Variants in KCTD16 observed in about 807,000 individuals in gnomAD.
KCTD16 encodes potassium channel tetramerization domain containing 16.
A neutral mutation model predicts 33.2 loss-of-function variants in KCTD16; 13 were observed. The observed-to-expected ratio is 0.39, with a 90% CI of 0.25 to 0.62. The LOEUF (loss-of-function observed/expected upper bound fraction) is 0.62. KCTD16 is among the 20% of genes least tolerant of loss of function. KCTD16 has a pLI of 0.50. For missense variants in KCTD16, 441 were observed against 525.1 expected (o/e 0.84, Z 1.57); for synonymous variants, 197 against 195.3 (o/e 1.01, Z -0.07).
chr5:144,279,233 T>C (rs1193480037), intron 3 of KCTD16, among the ~76,000 whole-genome samples: 1 of 152,232 alleles, frequency 6.6e-6, no homozygotes, highest in Non-Finnish European at 1.5e-5. Context: ...TAGACAAATA[T>C]GTTGCCTATG....
At chr5:144,308,041 G>C (rs1051029796) in intron 3 of KCTD16, among the ~76,000 whole-genome samples, 2 of 152,174 alleles carry the variant, frequency 1.3e-5, no homozygotes, top group South Asian at 2.1e-4. Flanking sequence ...TCTTAAACAG[G>C]CTCTTTCTAT....
intron 3 of KCTD16, among the ~76,000 whole-genome samples, chr5:144,284,724 G>A (rs527521786): frequency 4.5e-4 from 69 of 152,258 alleles, no homozygotes; most frequent in African/African-American, 1.6e-3. Context: ...AAGTATATCA[G>A]ATCCACTTTT....
At chr5:144,387,280 A>G (rs1371223945) in intron 3 of KCTD16, among the ~76,000 whole-genome samples, 1 of 151,904 alleles carries the variant, frequency 6.6e-6, no homozygotes, top group Non-Finnish European at 1.5e-5. Flanking sequence ...CCCGACCCAA[A>G]GCACTTTCAT....
At chr5:144,282,329 A>G (rs1441093297) in intron 3 of KCTD16, among the ~76,000 whole-genome samples, 1 of 151,720 alleles carries the variant, frequency 6.6e-6, no homozygotes, top group Non-Finnish European at 1.5e-5. Context: ...AGGGCATAAA[A>G]CTTCATGCCC....
chr5:144,193,773 C>A (rs1408872762), intron 2 of KCTD16, among the ~76,000 whole-genome samples: 2 of 151,890 alleles, frequency 1.3e-5, no homozygotes, highest in South Asian at 4.2e-4. Context: ...AGGCAAAGAA[C>A]AAAGGTACGA....
rs73310706 is a variant in KCTD16 at position 144,182,545 on chromosome 5, A to C, written c.-327+8073A>C. On this transcript the variant is annotated intron_variant, in intron 2 of 3. Transcript: ENST00000512467. The stretch of plus-strand genomic sequence containing the variant: ...AGTTATGAGGATTAGCACATCTTGA[A>C]ATCCAAAATACAGCAGGAGGGCTAT... Among the ~76,000 whole-genome samples, 1,490 of 152,322 alleles carry C rather than the reference A, an allele frequency of 9.8e-3. 19 individuals carry two copies. Among genetic ancestry groups the C allele is most frequent in the African/African-American group, 0.033 (1,385 of 41,570 alleles).
intron 3 of KCTD16, among the ~76,000 whole-genome samples, chr5:144,317,723 C>G (rs1025190098): frequency 2.0e-5 from 3 of 152,184 alleles, no homozygotes; most frequent in Non-Finnish European, 4.4e-5. Context: ...TTCTGATTCC[C>G]TCCTGGATGG....
chr5:144,262,114 C>T (rs1480621201), intron 3 of KCTD16, among the ~76,000 whole-genome samples: 1 of 152,124 alleles, frequency 6.6e-6, no homozygotes, highest in East Asian at 1.9e-4. Context: ...GCAAATGTGG[C>T]AGGCTGGATG....
chr5:144,329,328 A>T (rs181445738), intron 3 of KCTD16, among the ~76,000 whole-genome samples: 1 of 152,270 alleles, frequency 6.6e-6, no homozygotes, highest in Admixed American at 6.5e-5. Context: ...CTGCAGGCTG[A>T]TAGGATTTAT....
intron 3 of KCTD16, among the ~76,000 whole-genome samples, chr5:144,271,144 G>C (rs1242748668): frequency 6.6e-6 from 1 of 151,932 alleles, no homozygotes; most frequent in African/African-American, 2.4e-5. Context: ...CTGAAGAGGA[G>C]GGAAAAATTC....
intron 3 of KCTD16, among the ~76,000 whole-genome samples, chr5:144,455,955 T>C (rs1304269640): frequency 6.6e-6 from 1 of 152,180 alleles, no homozygotes; most frequent in Non-Finnish European, 1.5e-5. Flanking sequence ...AGATAGACAG[T>C]GAGCCATTAC....
chr5:144,430,585 T>C (rs1474245280), intron 3 of KCTD16, among the ~76,000 whole-genome samples: 1 of 152,166 alleles, frequency 6.6e-6, no homozygotes, highest in Non-Finnish European at 1.5e-5. Flanking sequence ...TTTTGCCACA[T>C]GTGCCAATTC....
At chr5:144,269,062 A>G (rs1319419658) in intron 3 of KCTD16, among the ~76,000 whole-genome samples, 1 of 152,084 alleles carries the variant, frequency 6.6e-6, no homozygotes, top group Non-Finnish European at 1.5e-5. Context: ...GTAAGAAAAG[A>G]TTACAGAAAA....
chr5:144,234,939 C>A (rs1452710132), intron 3 of KCTD16, among the ~76,000 whole-genome samples: 1 of 152,068 alleles, frequency 6.6e-6, no homozygotes, highest in Non-Finnish European at 1.5e-5. Context: ...GCCTTTCCCA[C>A]GATTTCCTGA....
In KCTD16 at chr5:144,202,678, A is replaced by T. The variant is rs953667700; in HGVS notation, c.-326-3711A>T. ...TTAGCAAAGCAAGTGTTTATTTTTA[A>T]CTGCTTACTATAATAAACAAACTGT... On this transcript the variant is annotated intron_variant, in intron 2 of 3. Transcript: ENST00000512467. Among the ~76,000 whole-genome samples, 3 of 151,960 alleles carry T rather than the reference A, an allele frequency of 2.0e-5. No homozygotes were observed. The East Asian group carries it at 5.8e-4, about 29-fold the overall frequency.
Position 144,258,737 on chromosome 5 carries a change from C to T in KCTD16, c.832+51191C>T, listed in dbSNP as rs75052968. ...TGAAAACAGTATTTTTTCAGGCTAT[C>T]TGCTAGTATGTTATTTTTATAGTTG... is the stretch of plus-strand genomic sequence containing the variant. On this transcript the variant is annotated intron_variant, in intron 3 of 3. Transcript: ENST00000512467. Among the ~76,000 whole-genome samples, 1,003 of 152,274 alleles carry T rather than the reference C, an allele frequency of 6.6e-3. 9 individuals are homozygous for T. Among genetic ancestry groups the T allele is most frequent in the African/African-American group, 0.023 (947 of 41,546 alleles).
intron 1 of KCTD16, among the ~76,000 whole-genome samples, chr5:144,171,558 G>A (rs559373732): frequency 6.6e-6 from 1 of 152,244 alleles, no homozygotes; most frequent in Admixed American, 6.5e-5. Context: ...TTAGATGCCA[G>A]TACTCCCCCC....
At chr5:144,268,234 T>C (rs1755199404) in intron 3 of KCTD16, among the ~76,000 whole-genome samples, 1 of 152,150 alleles carries the variant, frequency 6.6e-6, no homozygotes, top group Non-Finnish European at 1.5e-5. Flanking sequence ...TACTCTATCC[T>C]CCAAATGTAG....
intron 3 of KCTD16, among the ~76,000 whole-genome samples, chr5:144,217,672 G>A (rs1372400336): frequency 6.6e-6 from 1 of 152,106 alleles, no homozygotes; most frequent in Non-Finnish European, 1.5e-5. Flanking sequence ...GGTAGAAAAT[G>A]TCATATCTGT....
Sources: gnomAD v4.1 joint callset for allele counts (sites outside exome capture counted in the v4.1 genomes callset) on GRCh38, gnomAD v4.1.1 for gene constraint, MANE v1.5 for transcripts, NCBI Gene and HGNC (gene_info 2026-07-23, HGNC 2026-07-21) for gene names.